HERC1: variants seen among roughly 807,000 people sequenced by gnomAD.
HERC1 encodes HECT and RLD domain containing E3 ubiquitin protein ligase family member 1.
Under a neutral mutation model 554.3 loss-of-function variants are expected in HERC1, and 160 were observed. The observed-to-expected ratio is 0.29, with a 90% CI of 0.25 to 0.33. HERC1 has a LOEUF of 0.33. Among genes scored for constraint, HERC1 ranks in the 10% least tolerant of loss-of-function variants. The pLI is 1.00. For missense variants in HERC1, 4,919 were observed against 5,918.5 expected (o/e 0.83, Z 5.54); for synonymous variants, 2,175 against 2,131.7 (o/e 1.02, Z -0.56).
At chr15:63,765,633 G>A (rs900639446) in intron 2 of HERC1, among the ~76,000 whole-genome samples, 1 of 151,944 alleles carries the variant, frequency 6.6e-6, no homozygotes, top group Non-Finnish European at 1.5e-5. Flanking sequence ...CTCTTTCAAC[G>A]AACGGCCAAT....
At chr15:63,768,946 AAGAAG>A (rs1159015551) in intron 2 of HERC1, among the ~76,000 whole-genome samples, 3 of 152,254 alleles carry the variant, frequency 2.0e-5, no homozygotes, top group Admixed American at 1.3e-4. Context: ...TATATTGAGA[AAGAAG>A]AGAAAATACT....
chr15:63,639,469 G>C (rs990387412), intron 61 of HERC1, among the ~76,000 whole-genome samples: 1 of 152,080 alleles, frequency 6.6e-6, no homozygotes, highest in Non-Finnish European at 1.5e-5. Flanking sequence ...TATTCCCAGC[G>C]TCAAGATTGC....
At position 63,658,691 on chromosome 15, in the gene HERC1, G is replaced by C; in HGVS notation, c.9452C>G (p.Ser3151Cys). 1 of 1,613,192 alleles carries C rather than the reference G, an allele frequency of 6.2e-7. No homozygotes were observed. The highest frequency in any genetic ancestry group is 8.5e-7 in the Non-Finnish European group (1 of 1,179,324). Residue 3151 changes from serine (S) to cysteine (C), a missense_variant, in exon 48 of 78, where the codon TCC becomes TGC. This residue lies in a region of HERC1 where 1,963 missense variants were observed against 2,228.6 expected (regional missense o/e 0.88). Transcript: ENST00000443617. ...CTCTCCTAACGTTATTCTCCCAGAGGAGCTCTTTTCTACGGAGCCATGGCA... is the reference window on the plus strand; with the variant it reads ...CTCTCCTAACGTTATTCTCCCAGAGCAGCTCTTTTCTACGGAGCCATGGCA... ...IGCHGSVEKS[S>C]SGRITLGEQA...
At chr15:63,802,088 C>T (rs1445623354) in intron 1 of HERC1, among the ~76,000 whole-genome samples, 1 of 152,146 alleles carries the variant, frequency 6.6e-6, no homozygotes, top group Non-Finnish European at 1.5e-5. Context: ...TCTGAAAGTG[C>T]AGGAGGAAGA....
rs541583356 is a variant in HERC1 at position 63,716,328 on chromosome 15, C to T, written c.4124G>A (p.Arg1375Gln). ...GCCAGCTGTCATCACTTCATGTTCC[C>T]GTTCCTCCTCTTCATCCTCTGGCTC... ...HPEPEDEEEE[R>Q]EHEVMTAGKI... The change falls in exon 22 of 78, where the codon CGG becomes CAG. Residue 1375 changes from arginine to glutamine, a missense_variant. Physicochemically the swap from Arg to Gln is conservative, Grantham distance 43. Coordinates refer to ENST00000443617, the MANE Select transcript of HERC1 (RefSeq NM_003922.4). The T allele has an allele frequency of 1.1e-4, 173 of 1,613,624 alleles. No individual in the cohort carries two copies. In the South Asian group the frequency reaches 1.8e-3, roughly 17 times the overall value.
rs2068880076 is a variant in HERC1, at chr15:63,638,371, GT to G, written c.12093+39del. 4.4e-6 allele frequency: 7 copies of G among 1,593,096 alleles called. No individual in the cohort carries two copies. The Middle Eastern group carries it at 5.1e-4, about 115-fold the overall frequency. On this transcript the variant is annotated intron_variant, in intron 63 of 77. Coordinates refer to ENST00000443617, the MANE Select transcript of HERC1 (RefSeq NM_003922.4). ...ACAAGCAAAAGAATTAGAATTTTCA[GT>G]TCCCATGTTTCTTTTCTATTTTTTA...
At chr15:63,808,620 GAA>G (rs909935208) in intron 1 of HERC1, among the ~76,000 whole-genome samples, 1 of 151,616 alleles carries the variant, frequency 6.6e-6, no homozygotes, top group Non-Finnish European at 1.5e-5. Context: ...GATCTTTGGG[GAA>G]AAAAAAGAGT....
chr15:63,649,277 A>T (rs1318217326), intron 54 of HERC1, among the ~76,000 whole-genome samples: 4 of 152,224 alleles, frequency 2.6e-5, no homozygotes, highest in Admixed American at 2.6e-4. Context: ...AGCTTGAACC[A>T]GGGAGTCAGA....
rs2074091903 is a variant in HERC1, at chr15:63,727,577, C to T, written c.3346+70G>A. ...GGATAGATAGACTCCAATGGAAAAA[C>T]ACAGTGATGTGTGCAAGAGGAACAA... On this transcript the variant is annotated intron_variant, in intron 17 of 77. Transcript: ENST00000443617. The surrounding 1 kb of genome is among the most constrained non-coding windows in gnomAD (Gnocchi z 4.3). 9.0e-7 allele frequency: 1 copy of T among 1,108,008 alleles called. No individual in the cohort carries two copies. Among genetic ancestry groups the T allele is most frequent in the East Asian group, 2.6e-5 (1 of 38,756 alleles). The allele number at this position is 1,108,008 out of a possible 1,614,324, so 68.6% of individuals were successfully genotyped here.
At position 63,630,599 on chromosome 15, in the gene HERC1, T is replaced by C. The variant is rs538859551; in HGVS notation, c.12833A>G (p.Asn4278Ser). ...AGGGATTTGTTGCGGTCGATTGTGA[T>C]TGCGAGCACGCCCCTCTGGCAAGCC... ...LIGLPEGRARNHNRPQQIPVL... is the reference protein window; with the variant it reads ...LIGLPEGRARSHNRPQQIPVL... The change falls in exon 69 of 78, where the codon AAT becomes AGT. Residue 4278 changes from asparagine (N) to serine (S), a missense_variant. Physicochemically the swap from Asn to Ser is conservative, Grantham distance 46. Around this residue, in one of 11 missense-constraint regions of HERC1, gnomAD observed 410 missense variants for 467.0 expected, o/e 0.88. Coordinates refer to ENST00000443617, the MANE Select transcript of HERC1 (RefSeq NM_003922.4). 44 of 1,613,170 alleles carry C rather than the reference T, an allele frequency of 2.7e-5. No individual in the cohort carries two copies. In the South Asian group the frequency reaches 3.1e-4, roughly 11 times the overall value.
At chr15:63,703,286 T>C (rs962228853) in intron 25 of HERC1, among the ~76,000 whole-genome samples, 4 of 152,156 alleles carry the variant, frequency 2.6e-5, no homozygotes, top group Non-Finnish European at 4.4e-5. Flanking sequence ...AAAGGCGCAA[T>C]TGTGGTTCAA....
intron 2 of HERC1, 32 bp downstream of exon 2, chr15:63,774,662 T>C (rs751447743): frequency 2.1e-5 from 31 of 1,492,182 alleles, no homozygotes; most frequent in Middle Eastern, 3.6e-4. Flanking sequence ...AAAACTATTA[T>C]GAACTTTAAA....
At chr15:63,721,354 CATCTCTACTAAA>C (rs1377849800) in intron 19 of HERC1, among the ~76,000 whole-genome samples, 1 of 152,060 alleles carries the variant, frequency 6.6e-6, no homozygotes, top group Non-Finnish European at 1.5e-5. Context: ...GCATAAACCC[CATCTCTACTAAA>C]AATACAAAAA....
At chr15:63,807,160 C>T (rs2077163861) in intron 1 of HERC1, among the ~76,000 whole-genome samples, 1 of 152,184 alleles carries the variant, frequency 6.6e-6, no homozygotes, top group Non-Finnish European at 1.5e-5. Context: ...GGGTCCTGGA[C>T]TAGGCATTCT....
chr15:63,618,572 G>C (rs551262006), intron 74 of HERC1, among the ~76,000 whole-genome samples: 13 of 152,046 alleles, frequency 8.6e-5, no homozygotes, highest in Admixed American at 7.9e-4. Flanking sequence ...GGATGGCATT[G>C]AATCTATAAA....
At chr15:63,710,644 G>A (rs768328882) in intron 24 of HERC1, among the ~76,000 whole-genome samples, 3 of 152,028 alleles carry the variant, frequency 2.0e-5, no homozygotes, top group Non-Finnish European at 4.4e-5. Flanking sequence ...AACAAAGCAA[G>A]GCAAGGGGGA....
chr15:63,728,437 T>C (rs62022639), intron 16 of HERC1, among the ~76,000 whole-genome samples: 21,730 of 152,242 alleles, frequency 0.14, 2,100 homozygotes, highest in Middle Eastern at 0.22. Flanking sequence ...TTTGAAAATA[T>C]TTTAGTTGCT....
chr15:63,620,476 T>G (rs1295762343), intron 74 of HERC1, among the ~76,000 whole-genome samples: 1 of 152,182 alleles, frequency 6.6e-6, no homozygotes, highest in Non-Finnish European at 1.5e-5. Context: ...TTCTGTTGAT[T>G]TGGGGTGGAG....
At chr15:63,629,809 G>A (rs1012671496) in intron 69 of HERC1, among the ~76,000 whole-genome samples, 8 of 152,164 alleles carry the variant, frequency 5.3e-5, no homozygotes, top group East Asian at 1.9e-4. Flanking sequence ...ACCAAGAGAG[G>A]ATTTTTGGAG....
Sources: allele counts gnomAD v4.1 joint callset (sites outside exome capture counted in the v4.1 genomes callset), GRCh38; gene constraint gnomAD v4.1.1; regional missense constraint gnomAD v4.1.1; non-coding constraint Gnocchi (gnomAD v3.1); transcripts MANE v1.5; gene names NCBI Gene and HGNC (gene_info 2026-07-23, HGNC 2026-07-21).